DNAH5: variants seen among roughly 807,000 people sequenced by gnomAD.
The protein encoded by DNAH5 is axonemal beta dynein heavy chain 5.
DNAH5 carries 372 observed loss-of-function variants against 518.2 expected under a neutral mutation model. The ratio of observed to expected loss-of-function variants is 0.72; its 90% CI spans 0.66 to 0.78. The LOEUF (loss-of-function observed/expected upper bound fraction) is 0.78. Ranked by LOEUF, DNAH5 falls within the 30% of genes least tolerant of loss-of-function variation. The pLI, the probability that DNAH5 is intolerant of heterozygous loss-of-function variation, is 0.00. For missense variants in DNAH5, 5,523 were observed against 5,687.0 expected (o/e 0.97, Z 0.93); for synonymous variants, 2,039 against 2,025.9 (o/e 1.01, Z -0.17).
chr5:13,752,350 T>C, intron 63 of DNAH5, 61 bp from the exon 64 acceptor site: 3 of 1,570,760 alleles, frequency 1.9e-6, no homozygotes, highest in East Asian at 2.2e-5. Context: ...TGCACAGGGA[T>C]AACTGTTTTC....
intron 1 of DNAH5, among the ~76,000 whole-genome samples, chr5:13,994,078 A>T (rs2582697): frequency 0.041 from 6,255 of 152,234 alleles, 284 homozygotes; most frequent in African/African-American, 0.12. Context: ...GGATCTTCCC[A>T]TGACTCCTGC....
chr5:13,930,928 T>C (rs1019890074), intron 2 of DNAH5, among the ~76,000 whole-genome samples, 182 bp downstream of exon 2: 3 of 152,184 alleles, frequency 2.0e-5, no homozygotes, highest in Non-Finnish European at 4.4e-5. Context: ...CTATTCAACA[T>C]GGAGAGCTGG....
intron 1 of DNAH5, among the ~76,000 whole-genome samples, chr5:14,009,589 G>C (rs752180598): frequency 3.3e-5 from 5 of 152,104 alleles, no homozygotes; most frequent in Non-Finnish European, 5.9e-5. Flanking sequence ...AATCAATCTT[G>C]GACTAGTGGC....
At chr5:13,765,495 C>T (rs1285438396) in intron 59 of DNAH5, among the ~76,000 whole-genome samples, 3 of 152,102 alleles carry the variant, frequency 2.0e-5, no homozygotes, top group African/African-American at 7.2e-5. Flanking sequence ...TTGGTTGGGG[C>T]ACAAGAGAGA....
At chr5:13,847,440 A>G in intron 31 of DNAH5, among the ~76,000 whole-genome samples, 1 of 152,046 alleles carries the variant, frequency 6.6e-6, no homozygotes. Context: ...AAAAAGAAAA[A>G]TAGGCCAGGC....
rs1742882459 is a variant in DNAH5 at position 13,707,050 on chromosome 5, G to A, written c.13338+1073C>T. ...GCATCCTGTGCCCATATAAACCCAA[G>A]GGACCATAGCGGGCACACACACAAG... is the stretch of plus-strand genomic sequence containing the variant. On this transcript the variant is annotated intron_variant, in intron 76 of 78. Transcript: ENST00000265104. This position sits in a 1 kb window ranked among gnomAD's most constrained non-coding sequence, Gnocchi z 4.0. Among the ~76,000 whole-genome samples the A allele has an allele frequency of 6.6e-6, 1 of 152,166 alleles. No individual in the cohort carries two copies. The highest frequency in any genetic ancestry group is 2.4e-5 in the African/African-American group (1 of 41,446).
At chr5:13,793,217 T>C (rs1757274850) in intron 49 of DNAH5, among the ~76,000 whole-genome samples, 4 of 152,186 alleles carry the variant, frequency 2.6e-5, no homozygotes, top group African/African-American at 9.7e-5. Flanking sequence ...AACAACCTCA[T>C]GTATGGGGAA....
At position 13,944,509 on chromosome 5, in the gene DNAH5, A is replaced by T. The variant is rs1779758841; in HGVS notation, c.-71T>A. The stretch of plus-strand genomic sequence containing the variant: ...CTTCTAACTCCTGGCAGACCTGCTC[A>T]ACATCCAACAGGCTTCCAAATGGAA... On this transcript the variant is annotated 5_prime_UTR_variant, in exon 1 of 79. It removes the in-frame stop codon of an upstream open reading frame in the 5' UTR. Transcript: ENST00000265104. The T allele has an allele frequency of 5.3e-6, 7 of 1,324,732 alleles. No individual in the cohort carries two copies. Among genetic ancestry groups the T allele is most frequent in the Non-Finnish European group, 7.6e-6 (7 of 925,556 alleles). The allele number at this position is 1,324,732 out of a possible 1,614,324, so 82.1% of individuals were successfully genotyped here.
At chr5:13,955,567 A>G (rs953701964) in intron 1 of DNAH5, among the ~76,000 whole-genome samples, 2 of 152,170 alleles carry the variant, frequency 1.3e-5, no homozygotes, top group Non-Finnish European at 2.9e-5. Flanking sequence ...GAGAAAATCT[A>G]TTGCTTTTTT....
intron 78 of DNAH5, among the ~76,000 whole-genome samples, chr5:13,699,018 C>T (rs995598201): frequency 2.0e-5 from 3 of 152,090 alleles, no homozygotes; most frequent in Non-Finnish European, 4.4e-5. Context: ...CTCAGCTCCA[C>T]GAGAATGGGA....
chr5:13,896,531 C>T (rs532214901), intron 15 of DNAH5: 1 of 152,278 alleles, frequency 6.6e-6, no homozygotes, highest in East Asian at 1.9e-4. Context: ...CACTTTATTA[C>T]AATAGACTAT....
At chr5:13,699,569 C>T (rs1436047124) in intron 78 of DNAH5, among the ~76,000 whole-genome samples, 1 of 152,138 alleles carries the variant, frequency 6.6e-6, no homozygotes, top group African/African-American at 2.4e-5. Context: ...CAAAAATTAG[C>T]TGGATGTGGT....
chr5:13,977,111 T>C (rs973108734), intron 1 of DNAH5, among the ~76,000 whole-genome samples: 1 of 152,224 alleles, frequency 6.6e-6, no homozygotes. Flanking sequence ...AAATGTTTCA[T>C]TACAGTGTCA....
At chr5:13,774,262 A>G (rs1753761635) in intron 55 of DNAH5, among the ~76,000 whole-genome samples, 1 of 152,100 alleles carries the variant, frequency 6.6e-6, no homozygotes, top group South Asian at 2.1e-4. Context: ...TTGGTGATGG[A>G]TAAGACTTGA....
chr5:13,716,425 T>C, intron 74 of DNAH5, 62 bp downstream of exon 74: 3 of 1,174,998 alleles, frequency 2.6e-6, no homozygotes, highest in Admixed American at 1.7e-5. Context: ...GTGTAATTAA[T>C]ACCCAAAACT....
chr5:13,724,327 T>G (rs191251793), intron 70 of DNAH5, among the ~76,000 whole-genome samples: 497 of 152,338 alleles, frequency 3.3e-3, no homozygotes, highest in African/African-American at 0.011. Context: ...TAGGGCCTAC[T>G]ATTCCTTTCT....
At position 13,876,789 on chromosome 5, in the gene DNAH5, T is replaced by C; in HGVS notation, c.3291A>G (p.Leu1097=). ...AGTTCTTGGTTTGCACGGGAATGGG[T>C]AAATTTACAGATGCTATCTCCAAGG... is the stretch of plus-strand genomic sequence containing the variant. The part of the protein sequence containing the change: ...QDTLEIASVN[L]PIPVQTKNYY... The change falls in exon 22 of 79, where the codon TTA becomes TTG. Residue 1097 remains leucine (L), a synonymous_variant. Transcript: ENST00000265104. 6.2e-7 allele frequency: 1 copy of C among 1,613,808 alleles called. No individual in the cohort carries two copies. Among genetic ancestry groups the C allele is most frequent in the East Asian group, 2.2e-5 (1 of 44,872 alleles).
At chr5:13,845,083 G>T in intron 31 of DNAH5, 90 bp from the exon 32 acceptor site, 1 of 1,270,492 alleles carries the variant, frequency 7.9e-7, no homozygotes, top group Non-Finnish European at 1.1e-6. Flanking sequence ...AAGGGGAGAA[G>T]ATTGTGTGAC....
chr5:13,700,995 G>A, intron 77 of DNAH5, 124 bp from the exon 78 acceptor site: 1 of 1,057,174 alleles, frequency 9.5e-7, no homozygotes, highest in Non-Finnish European at 1.4e-6. Context: ...AGTATTTAAA[G>A]AATTAGCAAG....
Sources: gnomAD v4.1 joint callset for allele counts (sites outside exome capture counted in the v4.1 genomes callset) on GRCh38, gnomAD v4.1.1 for gene constraint, Gnocchi (gnomAD v3.1) non-coding constraint, MANE v1.5 for transcripts, NCBI Gene and HGNC (gene_info 2026-07-23, HGNC 2026-07-21) for gene names.